EFCAB12: variants seen among roughly 807,000 people sequenced by gnomAD.
EFCAB12 encodes the protein EF-hand calcium binding domain 12.
Under a neutral mutation model 53.6 loss-of-function variants are expected in EFCAB12, and 43 were observed. The observed-to-expected ratio is 0.80, with a 90% CI of 0.63 to 1.03. The LOEUF is 1.03. EFCAB12 is among the 50% of genes least tolerant of loss of function. The pLI is 0.00. For missense variants in EFCAB12, 646 were observed against 730.6 expected, an observed-to-expected ratio of 0.88 and a Z score of 1.34; for synonymous variants, 269 against 289.2, an observed-to-expected ratio of 0.93 and a Z score of 0.71.
At chr3:129,402,076 G>A (rs1310674460) in intron 8 of EFCAB12, among the ~76,000 whole-genome samples, 1 of 152,218 alleles carries the variant, frequency 6.6e-6, no homozygotes, top group African/African-American at 2.4e-5. Context: ...CTGAGCAAGT[G>A]GCCAAGTGCA....
At chr3:129,418,498 GC>G in intron 2 of EFCAB12, 50 bp from the exon 3 acceptor site, 1 of 1,506,334 alleles carries the variant, frequency 6.6e-7, no homozygotes. Flanking sequence ...AAGGAGACAG[GC>G]CAGGCGGATG....
At chr3:129,414,992 T>TC (rs1231671229) in intron 4 of EFCAB12, 3 of 354,100 alleles carry the variant, frequency 8.5e-6, no homozygotes, top group Admixed American at 5.0e-5. Flanking sequence ...GGGCTGAGTA[T>TC]CCTCCTCTAA....
Position 129,427,587 on chromosome 3 carries a change from C to G in EFCAB12, c.49+853G>C, listed in dbSNP as rs961718547. ...CTGTGTGCCTGGGAAAGGTGGCCAG[C>G]CTCTCCAGCTCTCCCTGTTTCTCCA... is the stretch of plus-strand genomic sequence containing the variant. On this transcript the variant is annotated intron_variant, in intron 1 of 8. Coordinates refer to ENST00000505956, the MANE Select transcript of EFCAB12 (RefSeq NM_207307.3). 7.9e-5 allele frequency among the ~76,000 whole-genome samples: 12 copies of G among 152,338 alleles called. 1 individual carries two copies. The highest frequency in any genetic ancestry group is 7.8e-4 in the Admixed American group (12 of 15,302).
chr3:129,411,516 C>T, intron 4 of EFCAB12, 162 bp from the exon 5 acceptor site: 1 of 614,362 alleles, frequency 1.6e-6, no homozygotes, highest in East Asian at 3.2e-5. Flanking sequence ...CTAAGCTGTA[C>T]CTTAGATGTG....
At chr3:129,427,077 G>A (rs1010323026) in intron 1 of EFCAB12, among the ~76,000 whole-genome samples, 1 of 151,908 alleles carries the variant, frequency 6.6e-6, no homozygotes, top group African/African-American at 2.4e-5. Flanking sequence ...TTGATCTCCT[G>A]ACCTCGTGAT....
At chr3:129,420,004 A>G (rs2072169149) in intron 2 of EFCAB12, among the ~76,000 whole-genome samples, 1 of 152,130 alleles carries the variant, frequency 6.6e-6, no homozygotes, top group Admixed American at 6.5e-5. Context: ...AGAGATGTGA[A>G]AGGTTTTCCC....
chr3:129,408,972 G>A, intron 5 of EFCAB12, 114 bp from the exon 6 acceptor site: 1 of 1,224,616 alleles, frequency 8.2e-7, no homozygotes, highest in South Asian at 1.4e-5. Context: ...TCCCCATGAG[G>A]GGTGATGGCA....
At chr3:129,427,491 T>C (rs2072288038) in intron 1 of EFCAB12, among the ~76,000 whole-genome samples, 1 of 152,162 alleles carries the variant, frequency 6.6e-6, no homozygotes, top group African/African-American at 2.4e-5. Flanking sequence ...AGTCCCGTAG[T>C]TCCCTCTAGC....
intron 1 of EFCAB12, among the ~76,000 whole-genome samples, chr3:129,427,164 C>T (rs1204232054): frequency 6.6e-6 from 1 of 151,882 alleles, no homozygotes; most frequent in Non-Finnish European, 1.5e-5. Flanking sequence ...CTTTAAAAAA[C>T]AATTTTGTAG....
chr3:129,402,482 C>T (rs769104727), intron 8 of EFCAB12, 41 bp downstream of exon 8: 24 of 1,596,072 alleles, frequency 1.5e-5, no homozygotes, highest in Middle Eastern at 3.3e-4. Flanking sequence ...TGCCCCTCCT[C>T]CCACCTTCCT....
Position 129,404,468 on chromosome 3 carries a change from T to C in EFCAB12, c.1250-65A>G, listed in dbSNP as rs149574578. The C allele has an allele frequency of 5.1e-4, 735 of 1,448,926 alleles. 2 individuals are homozygous for C. In the African/African-American group the frequency reaches 0.01, roughly 20 times the overall value. 89.8% of individuals were successfully genotyped at this position (1,448,926 alleles called of 1,614,324 possible). ...GACTGCCCATCCCTCCCTAAGCCTCTGGGGTCAGAGGAGGTGTTTTTTTTT... is the reference window on the plus strand; with the variant it reads ...GACTGCCCATCCCTCCCTAAGCCTCCGGGGTCAGAGGAGGTGTTTTTTTTT... On this transcript the variant is annotated intron_variant, in intron 6 of 8. Transcript: ENST00000505956.
chr3:129,428,356 T>C (rs1030549303), intron 1 of EFCAB12, 84 bp downstream of exon 1: 8 of 1,533,052 alleles, frequency 5.2e-6, no homozygotes, highest in South Asian at 1.2e-5. Flanking sequence ...ACAATATCTG[T>C]GGCTGAGTTT....
intron 1 of EFCAB12, among the ~76,000 whole-genome samples, chr3:129,427,611 C>A (rs2072289143): frequency 6.6e-6 from 1 of 152,218 alleles, no homozygotes; most frequent in African/African-American, 2.4e-5. Context: ...CCTGTTTCTC[C>A]ACTGGGCATT....
intron 6 of EFCAB12, among the ~76,000 whole-genome samples, chr3:129,407,215 G>C (rs2071964862): frequency 6.6e-6 from 1 of 152,174 alleles, no homozygotes; most frequent in African/African-American, 2.4e-5. Context: ...CAAGGAGAGA[G>C]GCCTTGGAAA....
Position 129,415,364 on chromosome 3 carries a change from A to G in EFCAB12, c.719T>C (p.Ile240Thr), listed in dbSNP as rs201823486. ...CCCAAGAGAGCTGAGGTAGATCACTATATCCTCCACCTCTTGGTTCTTCAG... is the reference window on the plus strand; with the variant it reads ...CCCAAGAGAGCTGAGGTAGATCACTGTATCCTCCACCTCTTGGTTCTTCAG... ...VPLKNQEVED[I>T]VIYLSSLGKH... Residue 240 changes from isoleucine (I) to threonine (T), a missense_variant, in exon 4 of 9, where the codon ATA becomes ACA. Transcript: ENST00000505956. The G allele has an allele frequency of 1.5e-5, 24 of 1,613,646 alleles. No individual in the cohort carries two copies. Among genetic ancestry groups the G allele is most frequent in the Non-Finnish European group, 1.9e-5 (23 of 1,179,858 alleles).
intron 1 of EFCAB12, among the ~76,000 whole-genome samples, chr3:129,424,422 A>T (rs374447709): frequency 6.6e-6 from 1 of 152,164 alleles, no homozygotes; most frequent in East Asian, 1.9e-4. Context: ...GTTGTTCAAA[A>T]GCATAGCACC....
Position 129,401,397 on chromosome 3 carries a change from G to A in EFCAB12, c.*196C>T, listed in dbSNP as rs986302296. ...GGAGGGAAATAGTCAAAAACTGCAC[G>A]TCATTCCTTGGACACATCTACCCTC... On this transcript the variant is annotated 3_prime_UTR_variant, in exon 9 of 9. Coordinates refer to ENST00000505956, the MANE Select transcript of EFCAB12 (RefSeq NM_207307.3). 1.7e-5 allele frequency: 11 copies of A among 652,166 alleles called. No homozygotes were observed. Among genetic ancestry groups the A allele is most frequent in the Middle Eastern group, 8.7e-4 (2 of 2,312 alleles). 40.4% of individuals were successfully genotyped at this position (652,166 alleles called of 1,614,324 possible).
At chr3:129,405,992 C>T (rs569834908) in intron 6 of EFCAB12, among the ~76,000 whole-genome samples, 55 of 151,500 alleles carry the variant, frequency 3.6e-4, no homozygotes, top group African/African-American at 1.3e-3. Flanking sequence ...GTGGGACGAT[C>T]GCTTGAGCCC....
intron 4 of EFCAB12, chr3:129,412,512 C>G (rs961428060): frequency 6.6e-6 from 1 of 152,408 alleles, no homozygotes. Context: ...GCCTCATTCC[C>G]TTGGCTTCCC....
Sources: allele counts gnomAD v4.1 joint callset (sites outside exome capture counted in the v4.1 genomes callset), GRCh38; gene constraint gnomAD v4.1.1; transcripts MANE v1.5; gene names NCBI Gene and HGNC (gene_info 2026-07-23, HGNC 2026-07-21).